NAALADL2: variants seen among roughly 807,000 people sequenced by gnomAD.
NAALADL2 encodes N-acetylated alpha-linked acidic dipeptidase like 2, also known as inactive N-acetylated-alpha-linked acidic dipeptidase-like protein 2.
NAALADL2 carries 76 observed loss-of-function variants against 87.2 expected under a neutral mutation model. The ratio of observed to expected loss-of-function variants is 0.87; its 90% CI spans 0.72 to 1.05. The LOEUF is 1.05. NAALADL2 is among the 50% of genes least tolerant of loss of function. The pLI, the probability that NAALADL2 is intolerant of heterozygous loss-of-function variation, is 0.00. For synonymous variants in NAALADL2, 354 were observed against 331.0 expected (o/e 1.07, Z -0.75); for missense variants, 1,089 against 945.8 (o/e 1.15, Z -1.99).
rs776863287 is a variant in NAALADL2 at position 175,724,417 on chromosome 3, G to A, written c.1897-12889G>A. On this transcript the variant is annotated intron_variant, in intron 11 of 13. Coordinates refer to ENST00000454872, the MANE Select transcript of NAALADL2 (RefSeq NM_207015.3). The stretch of plus-strand genomic sequence containing the variant: ...TATTTTTAGATTCAACTGAACAATA[G>A]CATCTAGTTCAAAGAAAGTTACTGT... 1.6e-3 allele frequency among the ~76,000 whole-genome samples: 245 copies of A among 152,082 alleles called. 1 individual carries two copies. Among genetic ancestry groups the A allele is most frequent in the Admixed American group, 3.5e-3 (54 of 15,270 alleles).
chr3:175,794,753 C>A (rs1329886915), intron 13 of NAALADL2, among the ~76,000 whole-genome samples: 3 of 152,136 alleles, frequency 2.0e-5, no homozygotes, highest in Non-Finnish European at 4.4e-5. Flanking sequence ...TTATCTATTT[C>A]TTGGGTTATA....
chr3:174,611,615 G>A (rs370952715), intron 2 of NAALADL2, among the ~76,000 whole-genome samples: 76 of 151,910 alleles, frequency 5.0e-4, no homozygotes, highest in African/African-American at 1.7e-3. Context: ...TTTTTGAGAC[G>A]GAGTCTTGCT....
chr3:175,029,514 C>G (rs543342556), intron 1 of NAALADL2, among the ~76,000 whole-genome samples: 1 of 151,936 alleles, frequency 6.6e-6, no homozygotes, highest in South Asian at 2.1e-4. Context: ...GTTAGCAAAA[C>G]CAGCATACCA....
chr3:175,221,789 T>TTTATTTATTTA (rs1560185199), intron 2 of NAALADL2, among the ~76,000 whole-genome samples: 2 of 100,480 alleles, frequency 2.0e-5, no homozygotes, highest in East Asian at 6.6e-4. Flanking sequence ...TTATTTATTT[T>TTTATTTATTTA]TTTGGAGATG....
chr3:174,474,184 C>G (rs1300214129), intron 1 of NAALADL2, among the ~76,000 whole-genome samples: 4 of 152,136 alleles, frequency 2.6e-5, no homozygotes. Flanking sequence ...CACTATTCAG[C>G]TTAATGAAAA....
At chr3:174,894,335 A>T (rs1297514736) in intron 1 of NAALADL2, among the ~76,000 whole-genome samples, 1 of 152,108 alleles carries the variant, frequency 6.6e-6, no homozygotes, top group African/African-American at 2.4e-5. Context: ...TCACGCCTGT[A>T]ATCCCAGCAT....
At chr3:174,854,867 TC>T (rs1725683832), upstream of NAALADL2, among the ~76,000 whole-genome samples, 1 of 138,296 alleles carries the variant, frequency 7.2e-6, no homozygotes, top group South Asian at 2.3e-4. Flanking sequence ...AGATGGAGTT[TC>T]CCCTTGTTGC....
At chr3:174,777,733 T>C (rs1387620798) in intron 3 of NAALADL2, among the ~76,000 whole-genome samples, 2 of 152,106 alleles carry the variant, frequency 1.3e-5, no homozygotes, top group Non-Finnish European at 1.5e-5. Flanking sequence ...AGCCAACAGA[T>C]ATCTCAATTC....
intron 5 of NAALADL2, among the ~76,000 whole-genome samples, chr3:175,374,239 T>C (rs1332084424): frequency 6.6e-6 from 1 of 152,080 alleles, no homozygotes; most frequent in Non-Finnish European, 1.5e-5. Flanking sequence ...AAATACGTTT[T>C]CTTATTTTTT....
chr3:175,340,027 G>A (rs757543030), intron 5 of NAALADL2, among the ~76,000 whole-genome samples: 39 of 152,078 alleles, frequency 2.6e-4, no homozygotes, highest in Admixed American at 7.2e-4. Context: ...AGTTTCATGG[G>A]TGTGGCATAT....
intron 1 of NAALADL2, among the ~76,000 whole-genome samples, chr3:174,534,733 C>T (rs1258325883): frequency 3.9e-5 from 6 of 152,052 alleles, no homozygotes; most frequent in East Asian, 1.9e-4. Flanking sequence ...TAATCAGGAT[C>T]GTCTTAAACC....
chr3:175,798,123 T>A (rs1753729780), intron 13 of NAALADL2, among the ~76,000 whole-genome samples: 1 of 152,028 alleles, frequency 6.6e-6, no homozygotes, highest in South Asian at 2.1e-4. Flanking sequence ...ATGAGCTAAT[T>A]CTGAAAATCA....
chr3:174,954,932 G>T (rs999573129), intron 1 of NAALADL2, among the ~76,000 whole-genome samples: 2 of 151,912 alleles, frequency 1.3e-5, no homozygotes, highest in African/African-American at 4.8e-5. Flanking sequence ...TTTTAATTGT[G>T]GTTAGTGTAG....
chr3:174,867,641 G>A (rs1325325534), intron 1 of NAALADL2, among the ~76,000 whole-genome samples: 1 of 151,988 alleles, frequency 6.6e-6, no homozygotes, highest in Non-Finnish European at 1.5e-5. Context: ...ATTCCTATGT[G>A]TATATGCAAT....
chr3:175,322,073 C>T (rs1227050580), intron 4 of NAALADL2, among the ~76,000 whole-genome samples: 1 of 150,986 alleles, frequency 6.6e-6, no homozygotes, highest in Non-Finnish European at 1.5e-5. Flanking sequence ...CATCACGCTA[C>T]CTGACCTCAA....
At chr3:175,115,564 C>T (rs997827233) in intron 2 of NAALADL2, among the ~76,000 whole-genome samples, 2 of 151,514 alleles carry the variant, frequency 1.3e-5, no homozygotes, top group African/African-American at 4.8e-5. Flanking sequence ...AAAGAGAATG[C>T]TATTAAGCAG....
At position 175,298,815 on chromosome 3, in the gene NAALADL2, A is replaced by T. The variant is rs547489513; in HGVS notation, c.940-25360A>T. Among the ~76,000 whole-genome samples the T allele has an allele frequency of 7.9e-5, 12 of 152,280 alleles. 1 individual carries two copies. In the South Asian group the frequency reaches 2.5e-3, roughly 32 times the overall value. On this transcript the variant is annotated intron_variant, in intron 4 of 13. Coordinates refer to ENST00000454872, the MANE Select transcript of NAALADL2 (RefSeq NM_207015.3). Reference sequence around the variant, plus strand: ...ATAAGAACTTTCATGTATATGGAAAATGTACTTCTGTGAAATACGTTATAC... The same window carrying T: ...ATAAGAACTTTCATGTATATGGAAATTGTACTTCTGTGAAATACGTTATAC...
chr3:175,361,044 G>T (rs57998087), intron 5 of NAALADL2, among the ~76,000 whole-genome samples: 15,176 of 148,064 alleles, frequency 0.1, 919 homozygotes, highest in South Asian at 0.14. Flanking sequence ...ACAGGCCCCA[G>T]TGTGTGATGT....
chr3:175,151,216 T>C (rs1731496356), intron 2 of NAALADL2, among the ~76,000 whole-genome samples: 1 of 152,180 alleles, frequency 6.6e-6, no homozygotes, highest in African/African-American at 2.4e-5. Context: ...ACTTACCGCA[T>C]ATCATGTGAT....
Sources: gnomAD v4.1 joint callset for allele counts (sites outside exome capture counted in the v4.1 genomes callset) on GRCh38, gnomAD v4.1.1 for gene constraint, MANE v1.5 for transcripts, NCBI Gene and HGNC (gene_info 2026-07-23, HGNC 2026-07-21) for gene names.